RPL7: variants seen among roughly 807,000 people sequenced by gnomAD.
RPL7 encodes the protein large ribosomal subunit protein uL30.
For missense variants in RPL7, 205 were observed against 301.9 expected, an observed-to-expected ratio of 0.68 and a Z score of 2.38; for synonymous variants, 100 against 102.2, an observed-to-expected ratio of 0.98 and a Z score of 0.13.
At chr8:73,290,753 A>C in intron 6 of RPL7, 48 bp from the exon 7 acceptor site, 1 of 312,282 alleles carries the variant, frequency 3.2e-6, no homozygotes, top group South Asian at 5.9e-5. Context: ...GGCAGCTAAC[A>C]ATTAACATAA....
In RPL7 at chr8:73,291,787, T is replaced by C. The variant is rs1181879215; in HGVS notation, c.414A>G (p.Pro138=). The change falls in exon 4 of 7, where the codon CCA becomes CCG. Residue 138 remains proline, a synonymous_variant. Transcript: ENST00000352983. ...ASINMLRIVE[P]YIAWGYPNLK... Reference sequence around the variant, plus strand: ...AAGAGACTTACCCCCATGCAATATATGGCTCTACAATCCTCAGCATGTTAA... The same window carrying C: ...AAGAGACTTACCCCCATGCAATATACGGCTCTACAATCCTCAGCATGTTAA... 2.5e-6 allele frequency: 4 copies of C among 1,607,204 alleles called. No individual in the cohort carries two copies. The highest frequency in any genetic ancestry group is 2.6e-6 in the Non-Finnish European group (3 of 1,174,014).
chr8:73,293,638 T>G (rs764054308), upstream of RPL7: 66 of 1,613,302 alleles, frequency 4.1e-5, no homozygotes, highest in Middle Eastern at 1.6e-4. Context: ...AAGAGGAAGT[T>G]GGCGCATGCG....
intron 2 of RPL7, 70 bp from the exon 3 acceptor site, chr8:73,292,475 G>C (rs1814126010): frequency 2.2e-6 from 3 of 1,390,468 alleles, no homozygotes; most frequent in African/African-American, 1.4e-5. Flanking sequence ...TCATTAAAAA[G>C]AAAACTACAA....
chr8:73,293,680 C>A, upstream of RPL7: 3 of 1,587,956 alleles, frequency 1.9e-6, no homozygotes, highest in Admixed American at 1.7e-5. Context: ...GCGAGAGAAG[C>A]CCCACGACTC....
At chr8:73,293,722 C>T, upstream of RPL7, 1 of 1,436,012 alleles carries the variant, frequency 7.0e-7, no homozygotes, top group South Asian at 1.2e-5. Context: ...GGAAAAGAAT[C>T]CAGAACTAAA....
At chr8:73,293,505 G>A in intron 1 of RPL7, 94 bp downstream of exon 1, 2 of 1,489,808 alleles carry the variant, frequency 1.3e-6, no homozygotes, top group Non-Finnish European at 1.8e-6. Flanking sequence ...GTGGGCAAAG[G>A]TGCAAGCTAC....
At chr8:73,294,372 AGGG>A (rs1814198631), upstream of RPL7, 1 of 152,316 alleles carries the variant, frequency 6.6e-6, no homozygotes, top group Admixed American at 6.6e-5. Context: ...ACCCCACGGG[AGGG>A]GGCGTGAGCT....
At chr8:73,292,654 T>C in intron 2 of RPL7, 35 bp downstream of exon 2, 1 of 1,467,722 alleles carries the variant, frequency 6.8e-7, no homozygotes, top group Non-Finnish European at 9.5e-7. Context: ...ATAAGGCGCC[T>C]CCTTATGTGC....
At chr8:73,290,850 C>T (rs1814079598) in intron 6 of RPL7, 145 bp from the exon 7 acceptor site, 2 of 572,264 alleles carry the variant, frequency 3.5e-6, no homozygotes, top group Non-Finnish European at 6.3e-6. Flanking sequence ...ACAGGCTTTT[C>T]CTTTCCTCCA....
upstream of RPL7, chr8:73,294,346 A>T (rs1814197457): frequency 6.5e-6 from 1 of 152,944 alleles, no homozygotes; most frequent in South Asian, 2.0e-4. Context: ...CGAGCTCGGC[A>T]GGCGGAGGCC....
chr8:73,291,516 G>T, intron 5 of RPL7, 36 bp downstream of exon 5: 1 of 1,433,884 alleles, frequency 7.0e-7, no homozygotes, highest in Non-Finnish European at 9.7e-7. Context: ...ATTATCGCAT[G>T]GTCTAATACC....
At chr8:73,292,472 A>C in intron 2 of RPL7, 67 bp from the exon 3 acceptor site, 4 of 1,399,310 alleles carry the variant, frequency 2.9e-6, no homozygotes, top group Non-Finnish European at 3.9e-6. Flanking sequence ...CAATCATTAA[A>C]AAGAAAACTA....
chr8:73,293,916 C>G (rs1196865738), upstream of RPL7: 2 of 366,692 alleles, frequency 5.5e-6, no homozygotes, highest in African/African-American at 2.1e-5. Context: ...GGATTAGGCT[C>G]CGTTCCTCCC....
intron 1 of RPL7, 190 bp from the exon 2 acceptor site, chr8:73,292,987 G>A (rs763945452): frequency 2.1e-5 from 9 of 432,108 alleles, no homozygotes; most frequent in Non-Finnish European, 2.9e-5. Flanking sequence ...TTAACACCAT[G>A]TTGCCTAAAA....
In RPL7 at chr8:73,292,785, C is replaced by G; in HGVS notation, c.27G>C (p.Lys9Asn). The G allele has an allele frequency of 1.9e-6, 3 of 1,598,714 alleles. No homozygotes were observed. Among genetic ancestry groups the G allele is most frequent in the Non-Finnish European group, 2.6e-6 (3 of 1,169,538 alleles). MEGVEEKKKEVPAVPETLK... is the reference protein window; with the variant it reads MEGVEEKKNEVPAVPETLK... ...GGGTTTCTGGCACAGCAGGAACCTCCTTCTTCTTCTCTCTAACGTTAATAA... is the reference window on the plus strand; with the variant it reads ...GGGTTTCTGGCACAGCAGGAACCTCGTTCTTCTTCTCTCTAACGTTAATAA... The change falls in exon 2 of 7, where the codon AAG becomes AAC. Residue 9 changes from lysine to asparagine, a missense_variant. By Grantham distance (94) the Lys-to-Asn change is moderately conservative. Transcript: ENST00000352983.
At chr8:73,290,896 A>T (rs1814080441) in intron 6 of RPL7, 147 bp downstream of exon 6, 1 of 651,106 alleles carries the variant, frequency 1.5e-6, no homozygotes, top group South Asian at 2.0e-5. Context: ...AACCAACTGT[A>T]ATCATTAAGA....
chr8:73,292,962 C>T (rs948993874), intron 1 of RPL7, 165 bp from the exon 2 acceptor site: 22 of 499,936 alleles, frequency 4.4e-5, no homozygotes, highest in Non-Finnish European at 6.8e-5. Flanking sequence ...TATTTTAGCT[C>T]CATGTCAATA....
At chr8:73,292,119 G>A (rs1163868480) in intron 3 of RPL7, 120 bp downstream of exon 3, 2 of 1,149,346 alleles carry the variant, frequency 1.7e-6, no homozygotes, top group African/African-American at 1.6e-5. Context: ...CACCCTCCTT[G>A]TTCTAGCTTC....
chr8:73,293,436 C>A (rs1586183038), intron 1 of RPL7, 163 bp downstream of exon 1: 2 of 846,172 alleles, frequency 2.4e-6, no homozygotes, highest in Non-Finnish European at 3.7e-6. Context: ...CCGCCCGCAT[C>A]CCAACCCTAG....
Sources: gnomAD v4.1 joint callset for allele counts on GRCh38, gnomAD v4.1.1 for gene constraint, MANE v1.5 for transcripts, NCBI Gene and HGNC (gene_info 2026-07-23, HGNC 2026-07-21) for gene names.